The following GOLPH3L variants were observed in gnomAD, a reference collection of about 807,000 sequenced individuals.
GOLPH3L encodes Golgi phosphoprotein 3-like.
In GOLPH3L, 22 loss-of-function variants were observed where a neutral mutation model predicts 30.3. The ratio of observed to expected loss-of-function variants is 0.73; its 90% CI spans 0.52 to 1.04. GOLPH3L has a LOEUF of 1.04. Ranked by LOEUF, GOLPH3L falls within the 50% of genes least tolerant of loss-of-function variation. The pLI is 0.00. For synonymous variants in GOLPH3L, 120 were observed against 128.2 expected (o/e 0.94, Z 0.43); for missense variants, 303 against 345.8 (o/e 0.88, Z 0.98).
intron 4 of GOLPH3L, among the ~76,000 whole-genome samples, chr1:150,659,400 C>CT (rs1417694054): frequency 6.6e-6 from 1 of 152,198 alleles, no homozygotes; most frequent in East Asian, 1.9e-4. Context: ...CGGAAAACTG[C>CT]TTAAGGTGTT....
rs587647012 is a variant in GOLPH3L at position 150,654,080 on chromosome 1, G to C, written c.431-5332C>G. 2.0e-5 allele frequency among the ~76,000 whole-genome samples: 3 copies of C among 151,948 alleles called. No individual in the cohort carries two copies. In the South Asian group the frequency reaches 6.2e-4, roughly 32 times the overall value. On this transcript the variant is annotated intron_variant, in intron 4 of 4. Transcript: ENST00000271732. The stretch of plus-strand genomic sequence containing the variant: ...ACCCAGCCACAACTGTCTTAAAGAT[G>C]CTCAAATATTTAAAAAAATGGATAA...
At chr1:150,679,565 G>A (rs1404212210) in intron 2 of GOLPH3L, among the ~76,000 whole-genome samples, 4 of 152,198 alleles carry the variant, frequency 2.6e-5, no homozygotes, top group Non-Finnish European at 4.4e-5. Flanking sequence ...TTGGGAGACC[G>A]AAGCAGGACT....
intron 2 of GOLPH3L, among the ~76,000 whole-genome samples, chr1:150,665,583 C>T (rs1376554347): frequency 6.6e-6 from 1 of 152,058 alleles, no homozygotes; most frequent in Non-Finnish European, 1.5e-5. Flanking sequence ...GAAATTTTAA[C>T]ATGCATGATA....
chr1:150,675,986 T>G (rs587648100), intron 2 of GOLPH3L, among the ~76,000 whole-genome samples: 177 of 151,036 alleles, frequency 1.2e-3, no homozygotes, highest in African/African-American at 3.7e-3. Flanking sequence ...CTTTTTTTTT[T>G]TGTGTCTCCC....
chr1:150,692,967 CAA>C (rs1293439596), intron 2 of GOLPH3L, among the ~76,000 whole-genome samples: 1 of 152,166 alleles, frequency 6.6e-6, no homozygotes, highest in African/African-American at 2.4e-5. Context: ...GTAAACGTCT[CAA>C]AAGAGTATTT....
chr1:150,690,966 A>C (rs971539290), intron 2 of GOLPH3L, among the ~76,000 whole-genome samples: 7 of 152,220 alleles, frequency 4.6e-5, no homozygotes, highest in Non-Finnish European at 7.3e-5. Flanking sequence ...AGAAGAATAA[A>C]CAAAACAAAG....
At chr1:150,665,667 T>A (rs934423533) in intron 2 of GOLPH3L, among the ~76,000 whole-genome samples, 4 of 150,664 alleles carry the variant, frequency 2.7e-5, no homozygotes, top group Admixed American at 2.0e-4. Flanking sequence ...TTGTCCAGTA[T>A]TTTTTTTTAG....
chr1:150,674,383 C>T (rs587612967), intron 2 of GOLPH3L, among the ~76,000 whole-genome samples: 3 of 151,964 alleles, frequency 2.0e-5, no homozygotes, highest in South Asian at 2.1e-4. Context: ...GCCTCGGCCT[C>T]CCGAGTAGCT....
At chr1:150,656,974 CTAAAGG>C (rs1650253451) in intron 4 of GOLPH3L, among the ~76,000 whole-genome samples, 1 of 152,176 alleles carries the variant, frequency 6.6e-6, no homozygotes, top group African/African-American at 2.4e-5. Context: ...TATTCTGGCT[CTAAAGG>C]TAAAGTTTTC....
At chr1:150,687,090 G>A (rs1392335244) in intron 2 of GOLPH3L, among the ~76,000 whole-genome samples, 1 of 152,048 alleles carries the variant, frequency 6.6e-6, no homozygotes, top group East Asian at 1.9e-4. Flanking sequence ...TAAAAGGAAA[G>A]ACCAGGTAGT....
chr1:150,671,875 C>T (rs1650654295), intron 2 of GOLPH3L, among the ~76,000 whole-genome samples: 2 of 148,566 alleles, frequency 1.3e-5, no homozygotes, highest in African/African-American at 4.9e-5. Flanking sequence ...AAAATATGCT[C>T]ATAAGGAGTT....
At chr1:150,670,061 G>C (rs587749814) in intron 2 of GOLPH3L, among the ~76,000 whole-genome samples, 1 of 151,852 alleles carries the variant, frequency 6.6e-6, no homozygotes, top group African/African-American at 2.4e-5. Flanking sequence ...AGCAGTTCAA[G>C]ACCAGCCTGG....
At chr1:150,695,583 T>C (rs76935839) in intron 1 of GOLPH3L, among the ~76,000 whole-genome samples, 32 of 152,278 alleles carry the variant, frequency 2.1e-4, no homozygotes, top group African/African-American at 7.5e-4. Flanking sequence ...ATATAATAAT[T>C]TGTATCTAAT....
chr1:150,687,538 A>G (rs1553188717), intron 2 of GOLPH3L, among the ~76,000 whole-genome samples: 1 of 151,872 alleles, frequency 6.6e-6, no homozygotes, highest in Non-Finnish European at 1.5e-5. Context: ...TCGTGCCACT[A>G]CACTCTAGCT....
At chr1:150,696,035 A>T (rs184954921) in intron 1 of GOLPH3L, among the ~76,000 whole-genome samples, 2 of 152,212 alleles carry the variant, frequency 1.3e-5, no homozygotes, top group East Asian at 3.8e-4. Flanking sequence ...AGTTTTTAAG[A>T]TAATATATAA....
intron 4 of GOLPH3L, among the ~76,000 whole-genome samples, chr1:150,655,413 C>T (rs1650217216): frequency 1.3e-5 from 2 of 152,072 alleles, no homozygotes; most frequent in South Asian, 4.2e-4. Context: ...ATGGGGAGCA[C>T]AAGTTCTAAT....
intron 4 of GOLPH3L, among the ~76,000 whole-genome samples, chr1:150,654,721 C>T (rs1157122206): frequency 6.6e-6 from 1 of 152,188 alleles, no homozygotes; most frequent in Non-Finnish European, 1.5e-5. Flanking sequence ...AGGCCATTCC[C>T]TCATCCCTGT....
intron 2 of GOLPH3L, among the ~76,000 whole-genome samples, chr1:150,665,679 C>T (rs1650484344): frequency 6.6e-6 from 1 of 151,352 alleles, no homozygotes; most frequent in Non-Finnish European, 1.5e-5. Flanking sequence ...TTTTTTTAGC[C>T]TCATAAATTA....
chr1:150,694,918 G>A (rs2101825949), intron 1 of GOLPH3L, 68 bp from the exon 2 acceptor site: 2 of 786,702 alleles, frequency 2.5e-6, no homozygotes, highest in East Asian at 2.5e-5. Context: ...ATTCATACAT[G>A]CATACTAAAC....
Sources: allele counts gnomAD v4.1 joint callset (sites outside exome capture counted in the v4.1 genomes callset), GRCh38; gene constraint gnomAD v4.1.1; transcripts MANE v1.5; gene names NCBI Gene and HGNC (gene_info 2026-07-23, HGNC 2026-07-21).